The following EIF4E3 variants were observed in gnomAD, a reference collection of about 807,000 sequenced individuals.
EIF4E3 encodes eukaryotic translation initiation factor 4E type 3.
A neutral mutation model predicts 31.7 loss-of-function variants in EIF4E3; 26 were observed. The observed-to-expected ratio is 0.82, with a 90% CI of 0.60 to 1.14. The LOEUF (loss-of-function observed/expected upper bound fraction) is 1.14. EIF4E3 is among the 50% of genes most tolerant of loss of function. EIF4E3 has a pLI of 0.00. For missense variants in EIF4E3, 304 were observed against 270.9 expected, an observed-to-expected ratio of 1.12 and a Z score of -0.86; for synonymous variants, 128 against 107.7, an observed-to-expected ratio of 1.19 and a Z score of -1.17.
chr3:71,679,044 A>C lies in EIF4E3; in HGVS notation c.*5638T>G, dbSNP rs868492570. 6.6e-6 allele frequency: 1 copy of C among 152,234 alleles called. No homozygotes were observed. Among genetic ancestry groups the C allele is most frequent in the African/African-American group, 2.4e-5 (1 of 41,466 alleles). 9.4% of individuals were successfully genotyped at this position (152,234 alleles called of 1,614,324 possible). ...GTTGTAAGCCACATTATCTGATTAA[A>C]GTCTGAGAACTTTGGGGAGAATTTA... On this transcript the variant is annotated 3_prime_UTR_variant, in exon 7 of 7. Transcript: ENST00000425534.
chr3:71,711,141 C>T (rs893611442), intron 1 of EIF4E3, among the ~76,000 whole-genome samples: 1 of 152,196 alleles, frequency 6.6e-6, no homozygotes, highest in Admixed American at 6.5e-5. Context: ...CAGGTTTAGT[C>T]ACCAGAAACA....
chr3:71,723,454 G>C (rs1263426042), intron 1 of EIF4E3, among the ~76,000 whole-genome samples: 1 of 152,136 alleles, frequency 6.6e-6, no homozygotes, highest in Non-Finnish European at 1.5e-5. Context: ...GACCTTTAGA[G>C]AACAAAAATG....
chr3:71,702,458 C>G (rs2049231389), intron 2 of EIF4E3, among the ~76,000 whole-genome samples: 1 of 152,090 alleles, frequency 6.6e-6, no homozygotes, highest in Admixed American at 6.6e-5. Flanking sequence ...TTGAAGCACA[C>G]TGAAAAAATA....
intron 1 of EIF4E3, among the ~76,000 whole-genome samples, chr3:71,717,516 C>T (rs2049483633): frequency 6.6e-6 from 1 of 152,150 alleles, no homozygotes; most frequent in African/African-American, 2.4e-5. Context: ...GGCAGGGAGT[C>T]CTTGGCTTAA....
At position 71,734,604 on chromosome 3, in the gene EIF4E3, C is replaced by G. The variant is rs140018314; in HGVS notation, c.-290-5981G>C. ...TTCTGAGGGAAAATCATTAATAAAACCAAACTCCTTATTAGAATTGAAATT... is the reference window on the plus strand; with the variant it reads ...TTCTGAGGGAAAATCATTAATAAAAGCAAACTCCTTATTAGAATTGAAATT... On this transcript the variant is annotated intron_variant, in intron 1 of 7. Transcript: ENST00000295612. 3.7e-3 allele frequency among the ~76,000 whole-genome samples: 558 copies of G among 152,074 alleles called. 4 individuals carry two copies. The highest frequency in any genetic ancestry group is 0.011 in the African/African-American group (451 of 41,462).
At chr3:71,727,949 G>A (rs2049660093), upstream of EIF4E3, among the ~76,000 whole-genome samples, 1 of 152,168 alleles carries the variant, frequency 6.6e-6, no homozygotes, top group African/African-American at 2.4e-5. Context: ...GAACAGTCTG[G>A]CAGTTTTTCT....
intron 3 of EIF4E3, among the ~76,000 whole-genome samples, chr3:71,697,142 A>C (rs2049150752): frequency 6.6e-6 from 1 of 152,096 alleles, no homozygotes; most frequent in African/African-American, 2.4e-5. Context: ...CAGCCTCCCA[A>C]GTAGCTGGGA....
intron 1 of EIF4E3, among the ~76,000 whole-genome samples, chr3:71,731,653 G>A (rs2049707709): frequency 6.6e-6 from 1 of 152,218 alleles, no homozygotes; most frequent in Non-Finnish European, 1.5e-5. Flanking sequence ...TGGTTGAAAG[G>A]AAGAGTCTGT....
chr3:71,696,434 C>A (rs770722374), intron 4 of EIF4E3, 26 bp downstream of exon 4: 1 of 1,613,792 alleles, frequency 6.2e-7, no homozygotes, highest in Non-Finnish European at 8.5e-7. Flanking sequence ...CTCGCCGGTT[C>A]TAGAAGAGGA....
intron 3 of EIF4E3, among the ~76,000 whole-genome samples, 162 bp downstream of exon 3, chr3:71,699,452 T>C (rs2049184171): frequency 6.6e-6 from 1 of 152,140 alleles, no homozygotes; most frequent in Non-Finnish European, 1.5e-5. Flanking sequence ...ATCAAGCTAT[T>C]AAAGAAGGAG....
chr3:71,684,757 A>G (rs751527021), intron 6 of EIF4E3, 29 bp from the exon 7 acceptor site: 2 of 1,611,606 alleles, frequency 1.2e-6, no homozygotes, highest in Admixed American at 1.7e-5. Flanking sequence ...ACAAAAAAGA[A>G]AAAAAGGAAA....
intron 1 of EIF4E3, among the ~76,000 whole-genome samples, chr3:71,710,883 A>G (rs1162435190): frequency 1.3e-5 from 2 of 152,210 alleles, no homozygotes; most frequent in African/African-American, 4.8e-5. Context: ...GCCTGGTGAT[A>G]TGTTTGCAAA....
chr3:71,731,381 C>T (rs140822187), intron 1 of EIF4E3, among the ~76,000 whole-genome samples: 12 of 152,310 alleles, frequency 7.9e-5, no homozygotes, highest in African/African-American at 1.9e-4. Flanking sequence ...CTAGTCCCTC[C>T]GCTTGCATGG....
chr3:71,717,181 C>T (rs531417748), intron 1 of EIF4E3, among the ~76,000 whole-genome samples: 67 of 152,318 alleles, frequency 4.4e-4, no homozygotes, highest in Middle Eastern at 6.8e-3. Context: ...GGTAGCATCA[C>T]CCGGGAGCTT....
rs2048903633 is a variant in EIF4E3 at position 71,679,892 on chromosome 3, G to C, written c.*4790C>G. On this transcript the variant is annotated 3_prime_UTR_variant, in exon 7 of 7. Transcript: ENST00000425534. ...TCTTGTTCAATGATGCTGAACCCCA[G>C]ATGCCATAAGACATTATAGAAAAGT... 6.6e-6 allele frequency: 1 copy of C among 152,160 alleles called. No individual in the cohort carries two copies. Among genetic ancestry groups the C allele is most frequent in the African/African-American group, 2.4e-5 (1 of 41,434 alleles). The allele number at this position is 152,160 out of a possible 1,614,324, so 9.4% of individuals were successfully genotyped here. A position where few individuals can be genotyped will look rare whatever the true frequency, so the allele number is the denominator to read the frequency against.
At chr3:71,727,785 G>T (rs2049658082), upstream of EIF4E3, among the ~76,000 whole-genome samples, 1 of 152,188 alleles carries the variant, frequency 6.6e-6, no homozygotes, top group Admixed American at 6.5e-5. Context: ...GCTTTCTAAT[G>T]ATTAAAGCTA....
the EIF4E3 span, among the ~76,000 whole-genome samples, chr3:71,667,466 T>C: frequency 6.6e-6 from 1 of 152,228 alleles, no homozygotes; most frequent in Non-Finnish European, 1.5e-5. Context: ...AAATTATCTC[T>C]GTTTGCAGAT....
rs2048876904 is a variant in EIF4E3 at position 71,676,654 on chromosome 3, G to C, written c.*8028C>G. On this transcript the variant is annotated 3_prime_UTR_variant, in exon 7 of 7. Coordinates refer to ENST00000425534, the MANE Select transcript of EIF4E3 (RefSeq NM_001134651.2). Reference sequence around the variant, plus strand: ...TTACAATGAAAACTTTGCCATATCTGAAAGTGTTTCTGTGGAACCACCCTT... The same window carrying C: ...TTACAATGAAAACTTTGCCATATCTCAAAGTGTTTCTGTGGAACCACCCTT... The C allele has an allele frequency of 1.3e-5, 2 of 151,700 alleles. No individual in the cohort carries two copies. Among genetic ancestry groups the C allele is most frequent in the South Asian group, 4.2e-4 (2 of 4,814 alleles). 9.4% of individuals were successfully genotyped at this position (151,700 alleles called of 1,614,324 possible).
In EIF4E3 at chr3:71,680,526, T is replaced by C. The variant is rs1449651395; in HGVS notation, c.*4156A>G. On this transcript the variant is annotated 3_prime_UTR_variant, in exon 7 of 7. Coordinates refer to ENST00000425534, the MANE Select transcript of EIF4E3 (RefSeq NM_001134651.2). ...TTTCTAGAACACAAGACAGTGACTT[T>C]TGGCCTGAGTGGGCCAATCTGAATA... 1 of 152,236 alleles carries C rather than the reference T, an allele frequency of 6.6e-6. No individual in the cohort carries two copies. The highest frequency in any genetic ancestry group is 2.4e-5 in the African/African-American group (1 of 41,466). The allele number at this position is 152,236 out of a possible 1,614,324, so 9.4% of individuals were successfully genotyped here. A position where few individuals can be genotyped will look rare whatever the true frequency, so the allele number is the denominator to read the frequency against.
Sources: gnomAD v4.1 joint callset for allele counts (sites outside exome capture counted in the v4.1 genomes callset) on GRCh38, gnomAD v4.1.1 for gene constraint, MANE v1.5 for transcripts, NCBI Gene and HGNC (gene_info 2026-07-23, HGNC 2026-07-21) for gene names.